Variants in PPP1R12A observed in about 807,000 individuals in gnomAD.
The protein encoded by PPP1R12A is myosin binding subunit.
Under a neutral mutation model 139.6 loss-of-function variants are expected in PPP1R12A, and 19 were observed. That is an observed-to-expected ratio of 0.14 (90% CI 0.09 to 0.20). The LOEUF is 0.20. Ranked by LOEUF, PPP1R12A falls within the 10% of genes least tolerant of loss-of-function variation. The pLI is 1.00. For missense variants in PPP1R12A, 925 were observed against 1,211.5 expected, an observed-to-expected ratio of 0.76 and a Z score of 3.51; for synonymous variants, 427 against 420.6, an observed-to-expected ratio of 1.02 and a Z score of -0.19.
At chr12:79,871,032 A>C (rs1489678842) in intron 2 of PPP1R12A, among the ~76,000 whole-genome samples, 1 of 152,140 alleles carries the variant, frequency 6.6e-6, no homozygotes, top group Non-Finnish European at 1.5e-5. Context: ...TATGTAAAAC[A>C]CAATTCTAGA....
intron 1 of PPP1R12A, among the ~76,000 whole-genome samples, chr12:79,908,137 C>T (rs1886279214): frequency 6.6e-6 from 1 of 152,174 alleles, no homozygotes; most frequent in African/African-American, 2.4e-5. Flanking sequence ...TGATCTTTCC[C>T]ATATAAGGCT....
intron 1 of PPP1R12A, among the ~76,000 whole-genome samples, chr12:79,887,064 G>C (rs3860253): frequency 0.79 from 120,128 of 152,032 alleles, 50,041 homozygotes; most frequent in Non-Finnish European, 0.93. Flanking sequence ...CACATATAAC[G>C]TAATGCAGTA....
intron 2 of PPP1R12A, among the ~76,000 whole-genome samples, chr12:79,847,992 G>C (rs1427338015): frequency 6.6e-6 from 1 of 152,180 alleles, no homozygotes; most frequent in Non-Finnish European, 1.5e-5. Flanking sequence ...CTAAGAGATA[G>C]AGGAAGAGAG....
chr12:79,784,935 G>C (rs1051105905), intron 22 of PPP1R12A, among the ~76,000 whole-genome samples: 3 of 152,090 alleles, frequency 2.0e-5, no homozygotes, highest in Admixed American at 1.3e-4. Context: ...CACCGCGCCT[G>C]GCTGCAGTGG....
chr12:79,801,345 CAAAAAAAAAAAAAAAAAAAAAAA>C (rs201977462), intron 14 of PPP1R12A, among the ~76,000 whole-genome samples: 2,301 of 20,176 alleles, frequency 0.11, 187 homozygotes, highest in East Asian at 0.35. Flanking sequence ...AACTCTGTCT[CAAAAAAAAAAAAAAAAAAAAAAA>C]AAAAAAAAAA....
intron 2 of PPP1R12A, among the ~76,000 whole-genome samples, chr12:79,849,395 GA>G (rs5799444): frequency 0.79 from 118,399 of 150,180 alleles, 48,977 homozygotes; most frequent in Non-Finnish European, 0.92. Context: ...TCAAAGGGGG[GA>G]AAAAAAAAAG....
At chr12:79,783,295 CAAA>C (rs5799441) in intron 22 of PPP1R12A, among the ~76,000 whole-genome samples, 5 of 117,078 alleles carry the variant, frequency 4.3e-5, no homozygotes, top group Admixed American at 2.8e-4. Context: ...CCGTCTCTAC[CAAA>C]AAAAAAAAAA....
At chr12:79,933,901 GT>G (rs1290392314) in intron 1 of PPP1R12A, among the ~76,000 whole-genome samples, 1 of 152,194 alleles carries the variant, frequency 6.6e-6, no homozygotes, top group Non-Finnish European at 1.5e-5. Context: ...TGAAAAGAGT[GT>G]CCCCTATTTA....
chr12:79,903,223 C>A (rs548687619), intron 1 of PPP1R12A, among the ~76,000 whole-genome samples: 4 of 151,972 alleles, frequency 2.6e-5, no homozygotes, highest in Non-Finnish European at 2.9e-5. Context: ...GAGGCCGAGG[C>A]GGGTGGATCA....
chr12:79,894,651 T>TA (rs571656563), intron 1 of PPP1R12A, among the ~76,000 whole-genome samples: 1 of 151,976 alleles, frequency 6.6e-6, no homozygotes, highest in African/African-American at 2.4e-5. Flanking sequence ...GATATTGCCT[T>TA]AAAAAAAAGT....
chr12:79,934,566 C>T, intron 1 of PPP1R12A, 129 bp downstream of exon 1: 1 of 895,870 alleles, frequency 1.1e-6, no homozygotes, highest in Non-Finnish European at 1.6e-6. Context: ...GGGAAACCGC[C>T]CCCTCACCCC....
chr12:79,801,752 C>T (rs181775133), intron 14 of PPP1R12A, among the ~76,000 whole-genome samples: 5 of 152,234 alleles, frequency 3.3e-5, no homozygotes, highest in East Asian at 1.9e-4. Context: ...TAATTTCTCA[C>T]GCAAGATCTT....
chr12:79,891,248 A>G (rs760265033), intron 1 of PPP1R12A, among the ~76,000 whole-genome samples: 16 of 152,168 alleles, frequency 1.1e-4, no homozygotes, highest in Non-Finnish European at 1.9e-4. Flanking sequence ...AAAATCTTAT[A>G]TGGTTATCTT....
intron 8 of PPP1R12A, among the ~76,000 whole-genome samples, chr12:79,820,239 T>C (rs539238144): frequency 4.3e-4 from 66 of 152,300 alleles, no homozygotes; most frequent in Middle Eastern, 3.4e-3. Flanking sequence ...GAAGTAAATA[T>C]GATTAAATGT....
intron 14 of PPP1R12A, among the ~76,000 whole-genome samples, chr12:79,803,831 A>G (rs996119164): frequency 6.6e-6 from 1 of 152,104 alleles, no homozygotes; most frequent in Admixed American, 6.5e-5. Context: ...TTAATTTTCA[A>G]TCTTCAATGT....
chr12:79,813,794 A>C (rs1874903376), intron 9 of PPP1R12A, among the ~76,000 whole-genome samples: 1 of 152,224 alleles, frequency 6.6e-6, no homozygotes, highest in South Asian at 2.1e-4. Context: ...AAACACATCT[A>C]TCTTTCACCA....
chr12:79,835,676 T>C (rs1204094897), intron 3 of PPP1R12A, among the ~76,000 whole-genome samples: 1 of 152,202 alleles, frequency 6.6e-6, no homozygotes, highest in East Asian at 1.9e-4. Flanking sequence ...TATATAAAAT[T>C]TGTCAATGGC....
At chr12:79,910,644 T>C (rs1886494442) in intron 1 of PPP1R12A, among the ~76,000 whole-genome samples, 1 of 152,152 alleles carries the variant, frequency 6.6e-6, no homozygotes, top group South Asian at 2.1e-4. Context: ...TTAAAGTTAA[T>C]GCATTATTCG....
At chr12:79,887,833 T>C (rs911975399) in intron 1 of PPP1R12A, among the ~76,000 whole-genome samples, 14 of 152,148 alleles carry the variant, frequency 9.2e-5, no homozygotes, top group African/African-American at 3.1e-4. Flanking sequence ...CAATGTCTAA[T>C]GAAAAGCCTG....
Sources: allele counts gnomAD v4.1 joint callset (sites outside exome capture counted in the v4.1 genomes callset), GRCh38; gene constraint gnomAD v4.1.1; transcripts MANE v1.5; gene names NCBI Gene and HGNC (gene_info 2026-07-23, HGNC 2026-07-21).